Variants in RPF2 observed in about 807,000 individuals in gnomAD.
The protein encoded by RPF2 is ribosome production factor 2 homolog.
RPF2 carries 21 observed loss-of-function variants against 38.9 expected under a neutral mutation model. That is an observed-to-expected ratio of 0.54 (90% CI 0.38 to 0.78). The LOEUF (loss-of-function observed/expected upper bound fraction) is 0.78. RPF2 is among the 30% of genes least tolerant of loss of function. The probability of loss-of-function intolerance (pLI) is 0.00; values close to 1 mark genes in which losing one functional copy is unlikely to be tolerated. For missense variants in RPF2, 314 were observed against 358.1 expected (o/e 0.88, Z 0.99); for synonymous variants, 121 against 126.2 (o/e 0.96, Z 0.28).
rs762039879 is a variant in RPF2, at chr6:111,015,780, A to C, written c.520A>C (p.Asn174His). Residue 174 changes from asparagine (N) to histidine (H), a missense_variant, in exon 8 of 10, where the codon AAT (asparagine) becomes CAT (histidine). By Grantham distance (68) the Asn-to-His change is moderately conservative (BLOSUM62 1). Transcript: ENST00000441448. The stretch of plus-strand genomic sequence containing the variant: ...TTTCTTCAGAGGCCCCACAGTATCA[A>C]ATATCCGCCTGGCTGGATTAGAGTA... ...IDFFRGPTVSNIRLAGLEYVL... is the reference protein window; with the variant it reads ...IDFFRGPTVSHIRLAGLEYVL... The C allele has an allele frequency of 6.2e-7, 1 of 1,612,062 alleles. No homozygotes were observed. Among genetic ancestry groups the C allele is most frequent in the Admixed American group, 1.7e-5 (1 of 60,024 alleles).
Position 111,025,718 on chromosome 6 carries a change from ACAG to A in RPF2, c.*137_*139del. ...ATAATTTTACGATATATTATTATGA[ACAG>A]TAATATACTAGTATTAAGTGTAAAG... On this transcript the variant is annotated 3_prime_UTR_variant, in exon 10 of 10. Transcript: ENST00000441448. The A allele has an allele frequency of 8.0e-6, 5 of 623,716 alleles. No homozygotes were observed. The highest frequency in any genetic ancestry group is 2.6e-5 in the South Asian group (1 of 38,186). 38.6% of individuals were successfully genotyped at this position (623,716 alleles called of 1,614,324 possible).
intron 8 of RPF2, 33 bp from the exon 9 acceptor site, chr6:111,024,150 A>G: frequency 3.2e-6 from 5 of 1,554,712 alleles, no homozygotes; most frequent in Non-Finnish European, 4.3e-6. Flanking sequence ...TATGAAAGTC[A>G]AAGCAACATT....
intron 8 of RPF2, among the ~76,000 whole-genome samples, chr6:111,017,712 G>A (rs1430284070): frequency 8.9e-5 from 13 of 145,910 alleles, no homozygotes; most frequent in Admixed American, 4.0e-4. Context: ...GGGAAGAGGC[G>A]CTCCTCACTT....
intron 9 of RPF2, among the ~76,000 whole-genome samples, chr6:111,024,628 G>T (rs1436539366): frequency 5.9e-5 from 9 of 151,672 alleles, no homozygotes; most frequent in Non-Finnish European, 1.0e-4. Flanking sequence ...CAGGAGAATG[G>T]CGTGAACCGG....
intron 6 of RPF2, among the ~76,000 whole-genome samples, chr6:111,000,224 A>G (rs1205259786): frequency 6.6e-5 from 10 of 151,744 alleles, no homozygotes; most frequent in Admixed American, 6.6e-4. Flanking sequence ...TCCTACCTCA[A>G]CCCCCAAGTA....
intron 7 of RPF2, among the ~76,000 whole-genome samples, chr6:111,010,237 C>T (rs1185580359): frequency 6.6e-6 from 1 of 151,534 alleles, no homozygotes; most frequent in Non-Finnish European, 1.5e-5. Context: ...AAGCAGTCCT[C>T]TACCTCCTGA....
intron 4 of RPF2, 41 bp downstream of exon 4, chr6:110,991,827 T>G: frequency 2.4e-6 from 2 of 830,664 alleles, no homozygotes; most frequent in Middle Eastern, 2.4e-4. Context: ...AGCATATAAG[T>G]AGTAATTATT....
intron 4 of RPF2, among the ~76,000 whole-genome samples, chr6:110,995,297 C>T (rs1323706198): frequency 6.6e-6 from 1 of 152,128 alleles, no homozygotes; most frequent in Admixed American, 6.6e-5. Flanking sequence ...GTGGCCTTTG[C>T]AAGTTTTTGC....
chr6:111,012,153 G>C (rs1382502806), intron 7 of RPF2, among the ~76,000 whole-genome samples: 1 of 123,492 alleles, frequency 8.1e-6, no homozygotes, highest in East Asian at 3.0e-4. Flanking sequence ...TTCTTAATTT[G>C]TTTACATCAT....
chr6:110,991,349 G>A (rs1771616293), intron 3 of RPF2, among the ~76,000 whole-genome samples: 1 of 149,240 alleles, frequency 6.7e-6, no homozygotes, highest in South Asian at 2.1e-4. Context: ...GGAGTGCAGT[G>A]GCACGATCAT....
At chr6:111,019,580 T>TACAAAA (rs1772192265) in intron 8 of RPF2, among the ~76,000 whole-genome samples, 1 of 151,660 alleles carries the variant, frequency 6.6e-6, no homozygotes, top group South Asian at 2.1e-4. Context: ...CTACTAAAAA[T>TACAAAA]ACAAAAATTG....
At chr6:110,996,126 T>C (rs887473598) in intron 4 of RPF2, among the ~76,000 whole-genome samples, 47 of 74,438 alleles carry the variant, frequency 6.3e-4, no homozygotes, top group African/African-American at 2.0e-3. Flanking sequence ...CCAGATAAGT[T>C]TTTTTTTTTT....
chr6:110,987,911 A>G (rs1051026768), intron 2 of RPF2, among the ~76,000 whole-genome samples: 2 of 152,134 alleles, frequency 1.3e-5, no homozygotes, highest in African/African-American at 4.8e-5. Flanking sequence ...TAATCCCAGC[A>G]CTTTGGGAGG....
chr6:111,016,069 A>G (rs1772102821), intron 8 of RPF2, among the ~76,000 whole-genome samples: 1 of 152,172 alleles, frequency 6.6e-6, no homozygotes, highest in Non-Finnish European at 1.5e-5. Context: ...CTGATGCTGC[A>G]CTGTCGCTGA....
intron 3 of RPF2, among the ~76,000 whole-genome samples, chr6:110,990,465 T>A (rs1044337101): frequency 6.6e-6 from 1 of 151,984 alleles, no homozygotes; most frequent in African/African-American, 2.4e-5. Context: ...TCAAGAACAC[T>A]ACAAAAATGT....
chr6:111,008,173 T>C, intron 7 of RPF2, 36 bp downstream of exon 7: 1 of 1,566,006 alleles, frequency 6.4e-7, no homozygotes. Context: ...TCAGGGTAGC[T>C]CAGGAAGACA....
In RPF2 at chr6:111,022,922, G is replaced by A. The variant is rs540134671; in HGVS notation, c.597-1261G>A. ...TTTTTTGTTTGTTTGTTTTTGAGAC[G>A]GAGTCTCGCCCTGTCGCCCAGACTG... On this transcript the variant is annotated intron_variant, in intron 8 of 9. Transcript: ENST00000441448. 4.6e-4 allele frequency among the ~76,000 whole-genome samples: 70 copies of A among 152,230 alleles called. 1 individual carries two copies. The highest frequency in any genetic ancestry group is 1.3e-3 in the African/African-American group (52 of 41,542).
In RPF2 at chr6:111,025,753, TTTTA is replaced by T. The variant is rs1237116867; in HGVS notation, c.*175_*178del. 8.4e-6 allele frequency: 4 copies of T among 475,720 alleles called. No homozygotes were observed. In the Middle Eastern group the frequency reaches 1.7e-3, roughly 207 times the overall value. The allele number at this position is 475,720 out of a possible 1,614,324, so 29.5% of individuals were successfully genotyped here. A position where few individuals can be genotyped will look rare whatever the true frequency, so the allele number is the denominator to read the frequency against. On this transcript the variant is annotated 3_prime_UTR_variant, in exon 10 of 10. Coordinates refer to ENST00000441448, the MANE Select transcript of RPF2 (RefSeq NM_032194.3). ...ACTAGTATTAAGTGTAAAGTAAGCC[TTTTA>T]TTTGAGACATTACACCCTGGTGTGC...
chr6:110,999,921 A>G, intron 6 of RPF2, 134 bp downstream of exon 6: 1 of 548,270 alleles, frequency 1.8e-6, no homozygotes, highest in Non-Finnish European at 3.3e-6. Context: ...GCTCCAGGAT[A>G]AAAATACAAT....
Sources: gnomAD v4.1 joint callset for allele counts (sites outside exome capture counted in the v4.1 genomes callset) on GRCh38, gnomAD v4.1.1 for gene constraint, MANE v1.5 for transcripts, NCBI Gene and HGNC (gene_info 2026-07-23, HGNC 2026-07-21) for gene names.